UMAD1: variants seen among roughly 807,000 people sequenced by gnomAD.
UMAD1 encodes the protein UBAP1-MVB12-associated (UMA)-domain containing protein 1.
A neutral mutation model predicts 6.1 loss-of-function variants in UMAD1; 8 were observed. The ratio of observed to expected loss-of-function variants is 1.30; its 90% CI spans 0.76 to 2.35. The LOEUF (loss-of-function observed/expected upper bound fraction) is 2.35. Ranked by LOEUF, UMAD1 falls within the 30% of genes most tolerant of loss-of-function variation. The probability of loss-of-function intolerance (pLI) is 0.00; values close to 1 mark genes in which losing one functional copy is unlikely to be tolerated. For missense variants in UMAD1, 130 were observed against 78.4 expected (o/e 1.66, Z -2.49); for synonymous variants, 56 against 31.4 (o/e 1.78, Z -2.61).
At chr7:7,744,457 A>C (rs1482549650) in intron 2 of UMAD1, among the ~76,000 whole-genome samples, 1 of 152,170 alleles carries the variant, frequency 6.6e-6, no homozygotes, top group Non-Finnish European at 1.5e-5. Flanking sequence ...TTGCTAGGTT[A>C]TATGGCAGTC....
intron 1 of UMAD1, among the ~76,000 whole-genome samples, chr7:7,671,987 C>G (rs934761788): frequency 2.0e-5 from 3 of 152,076 alleles, no homozygotes; most frequent in Admixed American, 6.6e-5. Context: ...CCAATAGATT[C>G]CTTTTACCAT....
In UMAD1 at chr7:7,777,910, A is replaced by T. The variant is rs530465305; in HGVS notation, c.83-23760A>T. On this transcript the variant is annotated intron_variant, in intron 2 of 3. Transcript: ENST00000682710. ...AGTAACATATCTAACTCTAACCCTG[A>T]TCTAGCTGTGTTAGGCTTCCTTGCC... 2.0e-5 allele frequency among the ~76,000 whole-genome samples: 3 copies of T among 152,250 alleles called. No homozygotes were observed. The South Asian group carries it at 6.2e-4, about 32-fold the overall frequency.
intron 2 of UMAD1, among the ~76,000 whole-genome samples, chr7:7,673,710 C>T (rs528572336): frequency 0.03 from 3,981 of 132,562 alleles, 166 homozygotes; most frequent in African/African-American, 0.092. Context: ...TTTTTCCCCC[C>T]CTTTTTTTTT....
chr7:7,643,442 G>A (rs188332387), intron 1 of UMAD1, among the ~76,000 whole-genome samples: 19 of 152,304 alleles, frequency 1.2e-4, no homozygotes, highest in Middle Eastern at 3.4e-3. Context: ...CGGGCGCGGT[G>A]GCTCACGCCT....
intron 1 of UMAD1, among the ~76,000 whole-genome samples, chr7:7,650,239 T>C (rs1785193727): frequency 6.6e-6 from 1 of 152,238 alleles, no homozygotes; most frequent in South Asian, 2.1e-4. Flanking sequence ...TTATTATTGC[T>C]TTATGCAGTT....
intron 2 of UMAD1, among the ~76,000 whole-genome samples, chr7:7,783,273 T>C (rs1782387318): frequency 6.6e-6 from 1 of 152,232 alleles, no homozygotes; most frequent in Admixed American, 6.5e-5. Flanking sequence ...AAGCCAGGGC[T>C]GTTGGTTATT....
At chr7:7,792,739 T>C (rs1007457021) in intron 2 of UMAD1, among the ~76,000 whole-genome samples, 7 of 152,298 alleles carry the variant, frequency 4.6e-5, no homozygotes, top group Middle Eastern at 3.4e-3. Context: ...ATAAACCGCG[T>C]GGCTTACAAA....
chr7:7,801,338 A>C (rs916389057), intron 2 of UMAD1, among the ~76,000 whole-genome samples: 1 of 152,230 alleles, frequency 6.6e-6, no homozygotes, highest in African/African-American at 2.4e-5. Context: ...TTTTATTTCA[A>C]CATAATTTGC....
chr7:7,712,105 T>C (rs576883544), intron 2 of UMAD1, among the ~76,000 whole-genome samples: 22 of 152,274 alleles, frequency 1.4e-4, no homozygotes, highest in Non-Finnish European at 2.8e-4. Flanking sequence ...TCTTAGCCAA[T>C]GTCATAAAGC....
At chr7:7,827,531 G>A (rs1282920387) in intron 3 of UMAD1, among the ~76,000 whole-genome samples, 1 of 151,926 alleles carries the variant, frequency 6.6e-6, no homozygotes, top group East Asian at 1.9e-4. Context: ...ACATATATTT[G>A]AAGAGGAAAT....
At chr7:7,853,613 A>G (rs1371338156) in intron 3 of UMAD1, among the ~76,000 whole-genome samples, 2 of 152,106 alleles carry the variant, frequency 1.3e-5, no homozygotes, top group African/African-American at 4.8e-5. Flanking sequence ...TGGATTGTTC[A>G]TTCCAAGTAT....
chr7:7,833,823 A>T (rs1036676500), intron 3 of UMAD1, among the ~76,000 whole-genome samples: 51 of 152,102 alleles, frequency 3.4e-4, no homozygotes, highest in African/African-American at 1.2e-3. Flanking sequence ...TTCAGGTTTT[A>T]TTTGAAATAC....
chr7:7,703,872 G>A (rs999447214), intron 2 of UMAD1, among the ~76,000 whole-genome samples: 1 of 152,104 alleles, frequency 6.6e-6, no homozygotes, highest in Non-Finnish European at 1.5e-5. Context: ...AGCCTGGGAG[G>A]TTGAGGTTGC....
At chr7:7,850,877 G>A (rs1189206881) in intron 3 of UMAD1, among the ~76,000 whole-genome samples, 2 of 152,054 alleles carry the variant, frequency 1.3e-5, no homozygotes, top group Admixed American at 1.3e-4. Context: ...TTTCTTTTAA[G>A]TTCATCTAAA....
intron 2 of UMAD1, chr7:7,718,384 A>G (rs763019051): frequency 1.3e-5 from 2 of 152,250 alleles, no homozygotes; most frequent in African/African-American, 2.4e-5. Context: ...CAGCACTAGC[A>G]TGGAACAAAT....
intron 2 of UMAD1, chr7:7,741,944 ATAGT>A (rs1781477792): frequency 4.3e-6 from 1 of 233,224 alleles, no homozygotes; most frequent in African/African-American, 2.3e-5. Context: ...CAATCGTTTT[ATAGT>A]TATAGTGTTG....
chr7:7,810,453 A>G (rs183645520), intron 3 of UMAD1, among the ~76,000 whole-genome samples: 11 of 152,254 alleles, frequency 7.2e-5, no homozygotes, highest in Admixed American at 6.5e-4. Flanking sequence ...TTTATAAATG[A>G]CACTGATGAT....
intron 2 of UMAD1, among the ~76,000 whole-genome samples, chr7:7,771,159 G>C (rs769985016): frequency 2.0e-5 from 3 of 151,570 alleles, no homozygotes; most frequent in Non-Finnish European, 4.4e-5. Flanking sequence ...TTGAGGACAA[G>C]GATAATTGTA....
At chr7:7,678,498 T>A (rs1779809028) in intron 2 of UMAD1, among the ~76,000 whole-genome samples, 1 of 140,596 alleles carries the variant, frequency 7.1e-6, no homozygotes, top group Non-Finnish European at 1.5e-5. Context: ...ATAATATATA[T>A]TTATATATTT....
Sources: gnomAD v4.1 joint callset for allele counts (sites outside exome capture counted in the v4.1 genomes callset) on GRCh38, gnomAD v4.1.1 for gene constraint, MANE v1.5 for transcripts, NCBI Gene and HGNC (gene_info 2026-07-23, HGNC 2026-07-21) for gene names.